TBC1D5: variants seen among roughly 807,000 people sequenced by gnomAD.
TBC1D5 encodes TBC1 domain family, member 5.
Under a neutral mutation model 100.3 loss-of-function variants are expected in TBC1D5, and 75 were observed. The observed-to-expected ratio is 0.75, with a 90% CI of 0.62 to 0.91. The LOEUF (loss-of-function observed/expected upper bound fraction) is 0.91, where lower values mean the gene tolerates loss of function less well. Among genes scored for constraint, TBC1D5 ranks in the 40% least tolerant of loss-of-function variants. The probability of loss-of-function intolerance (pLI) is 0.00; values close to 1 mark genes in which losing one functional copy is unlikely to be tolerated. For missense variants in TBC1D5, 910 were observed against 942.4 expected, an observed-to-expected ratio of 0.97 and a Z score of 0.45; for synonymous variants, 323 against 325.6, an observed-to-expected ratio of 0.99 and a Z score of 0.09.
At chr3:17,581,788 T>C (rs939795719) in intron 2 of TBC1D5, among the ~76,000 whole-genome samples, 2 of 152,188 alleles carry the variant, frequency 1.3e-5, no homozygotes, top group South Asian at 2.1e-4. Flanking sequence ...CCCCATCTCA[T>C]TCAAAATGAA....
At chr3:17,243,022 T>C (rs1170195689) in intron 16 of TBC1D5, among the ~76,000 whole-genome samples, 1 of 152,134 alleles carries the variant, frequency 6.6e-6, no homozygotes, top group East Asian at 1.9e-4. Flanking sequence ...TCAGATATAG[T>C]GGAACAACTG....
chr3:17,551,471 C>T (rs1466280976), intron 2 of TBC1D5, among the ~76,000 whole-genome samples: 1 of 152,086 alleles, frequency 6.6e-6, no homozygotes, highest in African/African-American at 2.4e-5. Context: ...TTAACAGTGA[C>T]CAATCACGGA....
At chr3:17,184,135 T>C (rs770117912) in intron 19 of TBC1D5, among the ~76,000 whole-genome samples, 5 of 152,220 alleles carry the variant, frequency 3.3e-5, no homozygotes, top group African/African-American at 4.8e-5. Flanking sequence ...AAGTGATTCA[T>C]ACATGAGTCA....
chr3:17,697,294 A>G (rs2072282431), intron 1 of TBC1D5, among the ~76,000 whole-genome samples: 1 of 152,246 alleles, frequency 6.6e-6, no homozygotes. Context: ...GTATTTAATT[A>G]GGAAAAGAGG....
chr3:17,421,348 C>T (rs992310858), intron 4 of TBC1D5, among the ~76,000 whole-genome samples: 9 of 152,054 alleles, frequency 5.9e-5, no homozygotes, highest in Non-Finnish European at 1.3e-4. Flanking sequence ...CTGTAAAGGT[C>T]GTGATGCTTC....
At chr3:17,355,229 C>G (rs546373123) in intron 13 of TBC1D5, among the ~76,000 whole-genome samples, 6 of 152,232 alleles carry the variant, frequency 3.9e-5, no homozygotes, top group African/African-American at 1.4e-4. Flanking sequence ...TATTTTTATG[C>G]CTGCTATAGT....
intron 3 of TBC1D5, among the ~76,000 whole-genome samples, chr3:17,439,374 AAC>A (rs1287311066): frequency 6.6e-6 from 1 of 152,202 alleles, no homozygotes; most frequent in African/African-American, 2.4e-5. Context: ...TCATATAACA[AAC>A]ATCTACTTAA....
chr3:17,356,986 T>C (rs560107923), intron 13 of TBC1D5, among the ~76,000 whole-genome samples: 47 of 111,452 alleles, frequency 4.2e-4, no homozygotes, highest in South Asian at 1.5e-3. Context: ...ATAATCACTG[T>C]TTTGTGATAA....
chr3:17,687,880 G>T (rs2070541220), intron 1 of TBC1D5, among the ~76,000 whole-genome samples: 1 of 152,150 alleles, frequency 6.6e-6, no homozygotes, highest in Admixed American at 6.5e-5. Flanking sequence ...ATAAAACTGG[G>T]ATTCTTTTGT....
intron 13 of TBC1D5, among the ~76,000 whole-genome samples, chr3:17,321,013 G>A (rs2085337039): frequency 6.6e-6 from 1 of 152,120 alleles, no homozygotes; most frequent in African/African-American, 2.4e-5. Context: ...ATACTTAAAT[G>A]TATATGTTTG....
intron 14 of TBC1D5, among the ~76,000 whole-genome samples, chr3:17,297,928 T>C (rs1315891365): frequency 6.6e-6 from 1 of 152,102 alleles, no homozygotes; most frequent in Non-Finnish European, 1.5e-5. Context: ...GTGAACACTA[T>C]TGTAGTAATT....
At chr3:17,596,229 G>C (rs1368882749) in intron 2 of TBC1D5, among the ~76,000 whole-genome samples, 1 of 151,844 alleles carries the variant, frequency 6.6e-6, no homozygotes, top group Admixed American at 6.6e-5. Context: ...ACAATCACTT[G>C]AGAAGCTTAT....
chr3:17,280,573 T>C (rs1051593304), intron 15 of TBC1D5, among the ~76,000 whole-genome samples: 2 of 152,168 alleles, frequency 1.3e-5, no homozygotes, highest in African/African-American at 2.4e-5. Context: ...GAGAAGCAGC[T>C]TGACTTCAGA....
intron 17 of TBC1D5, among the ~76,000 whole-genome samples, chr3:17,221,482 G>A (rs541201653): frequency 2.6e-5 from 4 of 151,988 alleles, no homozygotes; most frequent in African/African-American, 4.8e-5. Flanking sequence ...TCCCCTTCCT[G>A]TGAGTTCTTA....
At chr3:17,417,591 C>T (rs936061379) in intron 4 of TBC1D5, among the ~76,000 whole-genome samples, 4 of 152,112 alleles carry the variant, frequency 2.6e-5, no homozygotes, top group African/African-American at 4.8e-5. Flanking sequence ...CAGTCTATCA[C>T]TGTTGGACAC....
chr3:17,329,313 A>C (rs2151112400), intron 13 of TBC1D5, among the ~76,000 whole-genome samples: 1 of 152,334 alleles, frequency 6.6e-6, no homozygotes, highest in African/African-American at 2.4e-5. Context: ...TGTGAGTATA[A>C]ATAAAAGGTG....
At chr3:17,393,529 A>G (rs2093418234) in intron 8 of TBC1D5, among the ~76,000 whole-genome samples, 1 of 152,138 alleles carries the variant, frequency 6.6e-6, no homozygotes, top group Admixed American at 6.6e-5. Flanking sequence ...AATCCTAAGG[A>G]AAAAGAACAA....
At chr3:17,470,124 CAT>C (rs1184710351) in intron 3 of TBC1D5, among the ~76,000 whole-genome samples, 5 of 152,192 alleles carry the variant, frequency 3.3e-5, no homozygotes, top group African/African-American at 7.2e-5. Flanking sequence ...CAAGAAAAAA[CAT>C]GTGTTCATTT....
At chr3:17,279,424 A>C (rs1328076514) in intron 15 of TBC1D5, among the ~76,000 whole-genome samples, 1 of 152,154 alleles carries the variant, frequency 6.6e-6, no homozygotes, top group African/African-American at 2.4e-5. Flanking sequence ...CCCTTAAGAG[A>C]CCTCAGAGGT....
Sources: gnomAD v4.1 joint callset for allele counts (sites outside exome capture counted in the v4.1 genomes callset) on GRCh38, gnomAD v4.1.1 for gene constraint, MANE v1.5 for transcripts, NCBI Gene and HGNC (gene_info 2026-07-23, HGNC 2026-07-21) for gene names.